The following PKHD1L1 variants were observed in gnomAD, a reference collection of about 807,000 sequenced individuals.
The protein encoded by PKHD1L1 is PKHD1 like 1.
Under a neutral mutation model 462.9 loss-of-function variants are expected in PKHD1L1, and 434 were observed. The observed-to-expected ratio is 0.94, with a 90% CI of 0.87 to 1.02. PKHD1L1 has a LOEUF of 1.02. PKHD1L1 is among the 50% of genes least tolerant of loss of function. The pLI is 0.00. For synonymous variants in PKHD1L1, 1,781 were observed against 1,750.0 expected (o/e 1.02, Z -0.44); for missense variants, 5,202 against 5,096.1 (o/e 1.02, Z -0.63).
At chr8:109,394,553 A>G in intron 10 of PKHD1L1, 68 bp downstream of exon 10, 8 of 1,065,752 alleles carry the variant, frequency 7.5e-6, no homozygotes, top group Non-Finnish European at 1.0e-5. Context: ...ATTTAATCAA[A>G]CCAAAGACAA....
intron 45 of PKHD1L1, 57 bp downstream of exon 45, chr8:109,454,909 G>A: frequency 6.5e-7 from 1 of 1,535,514 alleles, no homozygotes; most frequent in Non-Finnish European, 8.8e-7. Context: ...AGGACACCAG[G>A]GATAATTATC....
In PKHD1L1 at chr8:109,525,191, T is replaced by C. The variant is rs575425696; in HGVS notation, c.12485-1593T>C. ...CAGCACAGCACCCCTCTTCTACATA[T>C]AGCTCCATAAAGAGCAAAGCAGGGT... On this transcript the variant is annotated intron_variant, in intron 76 of 77. Transcript: ENST00000378402. Among the ~76,000 whole-genome samples the C allele has an allele frequency of 3.9e-5, 6 of 152,260 alleles. No individual in the cohort carries two copies. The East Asian group carries it at 9.6e-4, about 24-fold the overall frequency.
At chr8:109,430,972 CTTTT>C (rs11315322) in intron 27 of PKHD1L1, among the ~76,000 whole-genome samples, 1 of 138,956 alleles carries the variant, frequency 7.2e-6, no homozygotes. Context: ...TGAATTCCCA[CTTTT>C]TTTTTTTTTT....
intron 12 of PKHD1L1, among the ~76,000 whole-genome samples, chr8:109,399,157 G>A (rs899594033): frequency 2.0e-5 from 3 of 152,128 alleles, no homozygotes; most frequent in South Asian, 2.1e-4. Context: ...CAAATGAATC[G>A]TTTATGAACC....
At chr8:109,530,034 T>C in intron 77 of PKHD1L1, 46 bp from the exon 78 acceptor site, 2 of 1,153,742 alleles carry the variant, frequency 1.7e-6, no homozygotes, top group Non-Finnish European at 1.2e-6. Flanking sequence ...TTATACTATA[T>C]GCTATTTCTA....
At chr8:109,368,532 C>A (rs1811339807) in intron 2 of PKHD1L1, among the ~76,000 whole-genome samples, 1 of 152,130 alleles carries the variant, frequency 6.6e-6, no homozygotes, top group Non-Finnish European at 1.5e-5. Context: ...TTGTATTATT[C>A]TTTGCATTTA....
intron 10 of PKHD1L1, 68 bp from the exon 11 acceptor site, chr8:109,395,959 T>TA (rs1358790841): frequency 6.1e-6 from 7 of 1,148,126 alleles, no homozygotes; most frequent in South Asian, 1.4e-5. Flanking sequence ...TTGGAATTTT[T>TA]AAAAAATCAG....
intron 27 of PKHD1L1, among the ~76,000 whole-genome samples, chr8:109,432,522 ATC>A (rs1429346256): frequency 5.9e-5 from 9 of 152,266 alleles, no homozygotes; most frequent in African/African-American, 2.2e-4. Context: ...TTATCTATCT[ATC>A]TATCCATCTA....
At chr8:109,472,934 A>G (rs964418686) in intron 50 of PKHD1L1, among the ~76,000 whole-genome samples, 1 of 152,162 alleles carries the variant, frequency 6.6e-6, no homozygotes, top group South Asian at 2.1e-4. Context: ...TATCTTTATC[A>G]AAGCATCTCA....
At chr8:109,385,158 T>C (rs1275664357) in intron 5 of PKHD1L1, among the ~76,000 whole-genome samples, 1 of 151,638 alleles carries the variant, frequency 6.6e-6, no homozygotes, top group Admixed American at 6.6e-5. Flanking sequence ...TATATAAATT[T>C]TCACCTATTT....
intron 76 of PKHD1L1, among the ~76,000 whole-genome samples, chr8:109,524,925 CTCT>C (rs1820742584): frequency 6.6e-6 from 1 of 151,558 alleles, no homozygotes; most frequent in Admixed American, 6.6e-5. Context: ...TCTCTCTCTC[CTCT>C]TTTCTTCATC....
chr8:109,365,394 T>C (rs867712285), intron 2 of PKHD1L1, among the ~76,000 whole-genome samples: 1 of 152,198 alleles, frequency 6.6e-6, no homozygotes, highest in Non-Finnish European at 1.5e-5. Flanking sequence ...TTTTGTTATA[T>C]AATGTAATGT....
rs751491968 is a variant in PKHD1L1, at chr8:109,438,882, A to C, written c.3761-15A>C. 2 of 1,540,084 alleles carry C rather than the reference A, an allele frequency of 1.3e-6. No individual in the cohort carries two copies. The highest frequency in any genetic ancestry group is 1.8e-6 in the Non-Finnish European group (2 of 1,140,580). On this transcript the variant is annotated splice_polypyrimidine_tract_variant and intron_variant, in intron 31 of 77. Transcript: ENST00000378402. Reference sequence around the variant, plus strand: ...TTGAACTTTTTGCATTATTTTTTAAATTTTAAAATACCAGGAGAAGTTAAT... The same window carrying C: ...TTGAACTTTTTGCATTATTTTTTAACTTTTAAAATACCAGGAGAAGTTAAT...
At chr8:109,486,853 G>T in intron 59 of PKHD1L1, 32 bp downstream of exon 59, 1 of 1,583,580 alleles carries the variant, frequency 6.3e-7, no homozygotes, top group South Asian at 1.1e-5. Context: ...TTTTCTAAAT[G>T]AGCTATAACA....
intron 27 of PKHD1L1, among the ~76,000 whole-genome samples, chr8:109,430,283 C>T (rs1441705561): frequency 6.6e-6 from 1 of 152,092 alleles, no homozygotes; most frequent in East Asian, 1.9e-4. Flanking sequence ...AGAGGATTTA[C>T]TAATCTTAAA....
intron 4 of PKHD1L1, among the ~76,000 whole-genome samples, chr8:109,383,256 G>A (rs1423067735): frequency 5.1e-5 from 4 of 78,760 alleles, no homozygotes; most frequent in South Asian, 6.4e-4. Context: ...ATATATAATA[G>A]ATAATTATAT....
chr8:109,414,557 A>G (rs1203528653), intron 21 of PKHD1L1, among the ~76,000 whole-genome samples: 5 of 152,078 alleles, frequency 3.3e-5, no homozygotes, highest in Non-Finnish European at 7.4e-5. Flanking sequence ...TATACAGTTT[A>G]TATGATACTT....
chr8:109,429,285 A>G (rs1814948761), intron 25 of PKHD1L1, 55 bp from the exon 26 acceptor site: 4 of 1,354,658 alleles, frequency 3.0e-6, no homozygotes, highest in Non-Finnish European at 2.0e-6. Flanking sequence ...ATGAAAAACT[A>G]GTGTCGTCAT....
At chr8:109,468,743 C>T (rs1027419715) in intron 50 of PKHD1L1, among the ~76,000 whole-genome samples, 4 of 152,056 alleles carry the variant, frequency 2.6e-5, no homozygotes, top group African/African-American at 7.2e-5. Context: ...TTGGTGACTT[C>T]GAGGATTATT....
Sources: gnomAD v4.1 joint callset for allele counts (sites outside exome capture counted in the v4.1 genomes callset) on GRCh38, gnomAD v4.1.1 for gene constraint, MANE v1.5 for transcripts, NCBI Gene and HGNC (gene_info 2026-07-23, HGNC 2026-07-21) for gene names.